Variants in MAN1A2 observed in about 807,000 individuals in gnomAD.
The protein encoded by MAN1A2 is mannosidase alpha class 1A member 2.
In MAN1A2, 26 loss-of-function variants were observed where a neutral mutation model predicts 75.7. That is an observed-to-expected ratio of 0.34 (90% confidence interval 0.25 to 0.48). The LOEUF is 0.48. MAN1A2 is among the 20% of genes least tolerant of loss of function. MAN1A2 has a pLI of 0.99. For synonymous variants in MAN1A2, 247 were observed against 264.6 expected (o/e 0.93, Z 0.65); for missense variants, 562 against 775.5 (o/e 0.72, Z 3.27).
intron 7 of MAN1A2, among the ~76,000 whole-genome samples, chr1:117,460,947 G>A (rs1649798258): frequency 1.3e-5 from 2 of 152,274 alleles, no homozygotes; most frequent in South Asian, 4.1e-4. Context: ...AAGGAGGAAA[G>A]AAAACAGTAG....
intron 1 of MAN1A2, among the ~76,000 whole-genome samples, chr1:117,376,059 C>T (rs1653127880): frequency 6.6e-6 from 1 of 152,004 alleles, no homozygotes; most frequent in Non-Finnish European, 1.5e-5. Context: ...CTACAGGCGC[C>T]CGCCACCACG....
At chr1:117,404,940 A>G (rs1476513754) in intron 2 of MAN1A2, among the ~76,000 whole-genome samples, 2 of 152,116 alleles carry the variant, frequency 1.3e-5, no homozygotes, top group African/African-American at 2.4e-5. Context: ...CTCTAGTCCC[A>G]GGAGGCTGAG....
At chr1:117,441,898 T>G (rs1303281981) in intron 5 of MAN1A2, among the ~76,000 whole-genome samples, 1 of 152,228 alleles carries the variant, frequency 6.6e-6, no homozygotes, top group Non-Finnish European at 1.5e-5. Flanking sequence ...TATTTTGAAC[T>G]AAACCTGTTT....
At chr1:117,513,016 G>A (rs190676641) in intron 12 of MAN1A2, among the ~76,000 whole-genome samples, 43 of 152,178 alleles carry the variant, frequency 2.8e-4, no homozygotes, top group Admixed American at 1.4e-3. Context: ...TATGTTAAGT[G>A]TACAGTTTAT....
intron 3 of MAN1A2, among the ~76,000 whole-genome samples, chr1:117,409,195 A>C (rs988543587): frequency 1.3e-5 from 2 of 151,844 alleles, no homozygotes; most frequent in African/African-American, 4.8e-5. Flanking sequence ...TTGTTTTTCC[A>C]GTGTCTTGAA....
At chr1:117,508,526 C>A (rs1295130671) in intron 12 of MAN1A2, among the ~76,000 whole-genome samples, 1 of 151,222 alleles carries the variant, frequency 6.6e-6, no homozygotes, top group Non-Finnish European at 1.5e-5. Context: ...AAGAATATGT[C>A]TTATATTCTT....
chr1:117,381,065 G>T (rs1355752218), intron 1 of MAN1A2, among the ~76,000 whole-genome samples: 3 of 151,976 alleles, frequency 2.0e-5, no homozygotes, highest in African/African-American at 7.2e-5. Context: ...GCATACAAAT[G>T]TTTTACCTTC....
At chr1:117,424,753 G>A (rs1366234167) in intron 5 of MAN1A2, among the ~76,000 whole-genome samples, 1 of 152,136 alleles carries the variant, frequency 6.6e-6, no homozygotes, top group African/African-American at 2.4e-5. Context: ...CCTCTCAAAG[G>A]TCACTCAGAG....
In MAN1A2 at chr1:117,523,154, T is replaced by G; in HGVS notation, c.*197T>G. The G allele has an allele frequency of 1.5e-6, 1 of 686,192 alleles. No homozygotes were observed. The highest frequency in any genetic ancestry group is 2.7e-6 in the Non-Finnish European group (1 of 370,632). The allele number at this position is 686,192 out of a possible 1,614,324, so 42.5% of individuals were successfully genotyped here. Reference sequence around the variant, plus strand: ...CCATTTTATACCTGACCAAAACATGTTCTGATATGTGTAGGACAGAGACCT... The same window carrying G: ...CCATTTTATACCTGACCAAAACATGGTCTGATATGTGTAGGACAGAGACCT... On this transcript the variant is annotated 3_prime_UTR_variant, in exon 13 of 13. Transcript: ENST00000356554.
In MAN1A2 at chr1:117,458,523, ATT is replaced by A. The variant is rs5777311; in HGVS notation, c.951-1950_951-1949del. ...TATATATATATATAGATATATATATATTTTTTTTTTTTTTTTTGAGACAGAGT... is the reference window on the plus strand; with the variant it reads ...TATATATATATATAGATATATATATATTTTTTTTTTTTTTTGAGACAGAGT... On this transcript the variant is annotated intron_variant, in intron 6 of 12. Transcript: ENST00000356554. 3.2e-3 allele frequency among the ~76,000 whole-genome samples: 335 copies of A among 105,590 alleles called. 3 individuals are homozygous for A. Among genetic ancestry groups the A allele is most frequent in the African/African-American group, 8.7e-3 (253 of 29,004 alleles). The allele number at this position is 105,590 out of a possible 152,430, so 69.3% of individuals were successfully genotyped here. A position where few individuals can be genotyped will look rare whatever the true frequency, so the allele number is the denominator to read the frequency against.
chr1:117,388,052 G>A (rs183914019), intron 1 of MAN1A2, among the ~76,000 whole-genome samples: 1 of 149,214 alleles, frequency 6.7e-6, no homozygotes, highest in African/African-American at 2.5e-5. Context: ...ATGAATTTTG[G>A]GGGGACACAA....
intron 1 of MAN1A2, among the ~76,000 whole-genome samples, chr1:117,389,615 G>T (rs1208984716): frequency 6.6e-6 from 1 of 152,020 alleles, no homozygotes; most frequent in Non-Finnish European, 1.5e-5. Flanking sequence ...TTTAGAACCT[G>T]TATACTGGGG....
intron 6 of MAN1A2, among the ~76,000 whole-genome samples, chr1:117,444,258 G>C (rs1003898057): frequency 2.6e-5 from 4 of 151,628 alleles, no homozygotes; most frequent in Non-Finnish European, 5.9e-5. Context: ...TCATATCAGT[G>C]GTATTTGTTT....
At chr1:117,412,289 A>G (rs901240396) in intron 3 of MAN1A2, among the ~76,000 whole-genome samples, 3 of 151,886 alleles carry the variant, frequency 2.0e-5, no homozygotes, top group South Asian at 4.1e-4. Context: ...TTGTGAATAT[A>G]TGAATAAAAT....
intron 1 of MAN1A2, among the ~76,000 whole-genome samples, chr1:117,387,694 A>G (rs538616758): frequency 6.6e-6 from 1 of 152,284 alleles, no homozygotes; most frequent in South Asian, 2.1e-4. Context: ...TGCCTTAACA[A>G]AGTACCATGG....
At chr1:117,464,361 A>G (rs1006064412) in intron 7 of MAN1A2, among the ~76,000 whole-genome samples, 1 of 151,522 alleles carries the variant, frequency 6.6e-6, no homozygotes. Flanking sequence ...TCTGTCAAAA[A>G]AAAAAGAAAC....
At chr1:117,377,612 A>C (rs1374403752) in intron 1 of MAN1A2, among the ~76,000 whole-genome samples, 2 of 152,184 alleles carry the variant, frequency 1.3e-5, no homozygotes, top group African/African-American at 4.8e-5. Context: ...AGTGACCTAG[A>C]TGTCTGTCAG....
intron 5 of MAN1A2, among the ~76,000 whole-genome samples, chr1:117,421,451 C>T (rs1177844739): frequency 6.6e-6 from 1 of 150,478 alleles, no homozygotes; most frequent in Non-Finnish European, 1.5e-5. Flanking sequence ...TTTTTTTCCC[C>T]CCAGTGTTTT....
intron 3 of MAN1A2, 130 bp from the exon 4 acceptor site, chr1:117,414,579 TCTTA>T (rs1196766840): frequency 1.9e-6 from 1 of 518,020 alleles, no homozygotes; most frequent in Non-Finnish European, 3.5e-6. Flanking sequence ...GTCCTTATAC[TCTTA>T]CTTTAGTTTA....
Sources: allele counts gnomAD v4.1 joint callset (sites outside exome capture counted in the v4.1 genomes callset), GRCh38; gene constraint gnomAD v4.1.1; transcripts MANE v1.5; gene names NCBI Gene and HGNC (gene_info 2026-07-23, HGNC 2026-07-21).